SRP19: variants seen among roughly 807,000 people sequenced by gnomAD.
SRP19 encodes the protein signal recognition particle 19.
A neutral mutation model predicts 22.4 loss-of-function variants in SRP19; 11 were observed. The ratio of observed to expected loss-of-function variants is 0.49; its 90% CI spans 0.31 to 0.81. SRP19 has a LOEUF of 0.81. SRP19 is among the 40% of genes least tolerant of loss of function. The probability of loss-of-function intolerance (pLI) is 0.05; values close to 1 mark genes in which losing one functional copy is unlikely to be tolerated. For synonymous variants in SRP19, 61 were observed against 57.6 expected, an observed-to-expected ratio of 1.06 and a Z score of -0.27; for missense variants, 168 against 175.9, an observed-to-expected ratio of 0.96 and a Z score of 0.25.
chr5:112,872,262 T>G (rs1231736196), downstream of SRP19, among the ~76,000 whole-genome samples: 1 of 151,418 alleles, frequency 6.6e-6, no homozygotes, highest in Non-Finnish European at 1.5e-5. Context: ...TTGTGAAAAA[T>G]GCAGTATCTC....
chr5:112,874,046 G>A (rs1379606413), downstream of SRP19, among the ~76,000 whole-genome samples: 5 of 152,088 alleles, frequency 3.3e-5, no homozygotes, highest in Non-Finnish European at 7.4e-5. Flanking sequence ...CATACCTGTA[G>A]TTCTAGCTAC....
chr5:112,861,565 C>G, intron 1 of SRP19, 148 bp downstream of exon 1: 1 of 802,960 alleles, frequency 1.2e-6, no homozygotes, highest in Non-Finnish European at 2.0e-6. Flanking sequence ...TCCCTGGCAG[C>G]TCGTTTTTCT....
chr5:112,892,305 T>C (rs560842182), exon 5 of SRP19: 3 of 1,614,076 alleles, frequency 1.9e-6, no homozygotes, highest in Non-Finnish European at 2.5e-6. Flanking sequence ...GCAGGAGGGA[T>C]GACTATGACC....
intron 4 of SRP19, among the ~76,000 whole-genome samples, chr5:112,883,493 A>G (rs1274723315): frequency 6.6e-6 from 1 of 152,104 alleles, no homozygotes; most frequent in Non-Finnish European, 1.5e-5. Flanking sequence ...GCCACTCCTT[A>G]TCAGTCTGCT....
downstream of SRP19, among the ~76,000 whole-genome samples, chr5:112,871,358 AAGTGCAGTGGCACAATCACGGCTC>A: frequency 6.6e-6 from 1 of 151,332 alleles, no homozygotes; most frequent in East Asian, 2.0e-4. Flanking sequence ...ACCCAGGCTA[AAGTGCAGTGGCACAATCACGGCTC>A]AGTGCAGCCT....
chr5:112,861,381 C>A lies in SRP19; in HGVS notation c.5C>A (p.Ala2Asp), dbSNP rs760237873. The A allele has an allele frequency of 5.0e-6, 8 of 1,614,048 alleles. No homozygotes were observed. In the East Asian group the frequency reaches 1.8e-4, roughly 36 times the overall value. Reference sequence around the variant, plus strand: ...GTTGTTGAGACTCTTGTGAAGATGGCTTGCGCTGCCGCGCGGTCCCCGGCC... The same window carrying A: ...GTTGTTGAGACTCTTGTGAAGATGGATTGCGCTGCCGCGCGGTCCCCGGCC... M[A>D]CAAARSPADQ... Residue 2 changes from alanine to aspartate, a missense_variant, in exon 1 of 5, where the codon GCT (alanine) becomes GAT (aspartate). Coordinates refer to ENST00000505459, the MANE Select transcript of SRP19 (RefSeq NM_003135.3).
chr5:112,875,382 T>C (rs1240255728), intron 4 of SRP19, among the ~76,000 whole-genome samples: 3 of 151,844 alleles, frequency 2.0e-5, no homozygotes, highest in South Asian at 2.1e-4. Context: ...GTTTTTTTTT[T>C]TTTTGAGACA....
chr5:112,865,652 G>A (rs2150026510), intron 4 of SRP19, among the ~76,000 whole-genome samples: 1 of 150,566 alleles, frequency 6.6e-6, no homozygotes, highest in Non-Finnish European at 1.5e-5. Context: ...GGAGTACAGT[G>A]GCGCGATCTC....
rs982485104 is a variant in SRP19 at position 112,890,481 on chromosome 5, G to A, written c.302-1122G>A. On this transcript the variant is annotated intron_variant, in intron 4 of 4. Coordinates refer to the SRP19 transcript ENST00000391338. ...CTTCCTGGGCTCAAGTGATTCTCCC[G>A]CCTCAGCCCCCCAGGTAGCTGAAGA... 2.0e-5 allele frequency among the ~76,000 whole-genome samples: 3 copies of A among 149,634 alleles called. 1 individual carries two copies. Among genetic ancestry groups the A allele is most frequent in the Admixed American group, 6.7e-5 (1 of 14,964 alleles).
exon 5 of SRP19, chr5:112,892,481 C>G (rs146170662): frequency 1.2e-6 from 2 of 1,614,094 alleles, no homozygotes; most frequent in Non-Finnish European, 1.7e-6. Flanking sequence ...CAGTACCAGT[C>G]GGAAGAAGAA....
At chr5:112,890,336 AAGAATAC>A (rs1189746407) in intron 4 of SRP19, among the ~76,000 whole-genome samples, 1 of 148,916 alleles carries the variant, frequency 6.7e-6, no homozygotes, top group African/African-American at 2.6e-5. Flanking sequence ...AGAAATTAGT[AAGAATAC>A]AGAATAAAGA....
downstream of SRP19, chr5:112,895,468 G>A (rs1005112532): frequency 7.1e-6 from 1 of 140,618 alleles, no homozygotes; most frequent in Non-Finnish European, 1.5e-5. Context: ...CAGCAATCCA[G>A]ACAAGCTTAT....
chr5:112,893,094 T>TAAAAAAAAAAAA (rs552226372), downstream of SRP19: 54 of 501,482 alleles, frequency 1.1e-4, no homozygotes, highest in African/African-American at 5.0e-4. Context: ...GTTTTGTTCT[T>TAAAAAAAAAAAA]AAAAAAAAAA....
chr5:112,868,983 T>G lies in SRP19; in HGVS notation c.*1446T>G, dbSNP rs1480057989. The G allele has an allele frequency of 6.6e-6, 1 of 152,136 alleles. No individual in the cohort carries two copies. Among genetic ancestry groups the G allele is most frequent in the Non-Finnish European group, 1.5e-5 (1 of 68,024 alleles). 9.4% of individuals were successfully genotyped at this position (152,136 alleles called of 1,614,324 possible). ...ATATATTTGACTTACAAATAAATCC[T>G]GGGGAGAGGGGAGTATGTGTAAAAC... On this transcript the variant is annotated 3_prime_UTR_variant, in exon 5 of 5. Transcript: ENST00000505459.
chr5:112,873,284 T>TTC (rs1554092000), downstream of SRP19, among the ~76,000 whole-genome samples: 1 of 145,784 alleles, frequency 6.9e-6, no homozygotes, highest in African/African-American at 2.5e-5. Flanking sequence ...TTTTTTTTTT[T>TTC]TTTTTTTCTT....
downstream of SRP19, among the ~76,000 whole-genome samples, chr5:112,871,294 A>C (rs539580083): frequency 2.8e-5 from 3 of 107,968 alleles, no homozygotes; most frequent in Non-Finnish European, 5.4e-5. Context: ...TGAAAACTGT[A>C]ATCTTTTTAA....
At chr5:112,862,247 C>T (rs973161790) in intron 1 of SRP19, 6 of 525,300 alleles carry the variant, frequency 1.1e-5, no homozygotes, top group African/African-American at 3.8e-5. Flanking sequence ...TCCCATTGAC[C>T]TGTGCCAGTC....
chr5:112,889,912 C>T (rs1306819731), intron 4 of SRP19, among the ~76,000 whole-genome samples: 1 of 149,714 alleles, frequency 6.7e-6, no homozygotes, highest in African/African-American at 2.5e-5. Context: ...CTGCAACCTC[C>T]GCCTCCCGGA....
Position 112,864,469 on chromosome 5 carries a change from C to G in SRP19, c.130C>G (p.Pro44Ala). ...RIPISKAVEN[P>A]TATEIQDVCS... ...TTTAACTGTTCAGGCTGTTGAAAAT[C>G]CTACAGCTACAGAGATTCAAGATGT... Residue 44 changes from proline to alanine, a missense_variant, in exon 3 of 5, where the codon CCT (proline) becomes GCT (alanine). Physicochemically the swap from Pro to Ala is conservative, Grantham distance 27 (BLOSUM62 -1). Transcript: ENST00000505459. The G allele has an allele frequency of 6.2e-7, 1 of 1,613,374 alleles. No individual in the cohort carries two copies. The highest frequency in any genetic ancestry group is 8.5e-7 in the Non-Finnish European group (1 of 1,179,872).
Sources: gnomAD v4.1 joint callset for allele counts (sites outside exome capture counted in the v4.1 genomes callset) on GRCh38, gnomAD v4.1.1 for gene constraint, MANE v1.5 for transcripts, NCBI Gene and HGNC (gene_info 2026-07-23, HGNC 2026-07-21) for gene names.